GLI2: variants seen among roughly 807,000 people sequenced by gnomAD.
GLI2 encodes GLI family zinc finger 2.
In GLI2, 22 loss-of-function variants were observed where a neutral mutation model predicts 78.9. That is an observed-to-expected ratio of 0.28 (90% CI 0.20 to 0.40). The LOEUF is 0.40. Among genes scored for constraint, GLI2 ranks in the 10% least tolerant of loss-of-function variants. GLI2 has a pLI of 1.00. For missense variants in GLI2, 2,097 were observed against 2,213.2 expected (o/e 0.95, Z 1.05); for synonymous variants, 974 against 963.7 (o/e 1.01, Z -0.20).
chr2:120,794,286 TGGGCAGAGGCCTGGCTGTGTGCAA>T (rs2104690153), intron 1 of GLI2, among the ~76,000 whole-genome samples: 1 of 152,240 alleles, frequency 6.6e-6, no homozygotes, highest in South Asian at 2.1e-4. Flanking sequence ...TGGCATAGCT[TGGGCAGAGGCCTGGCTGTGTGCAA>T]GGGCAGAGCC....
At chr2:120,944,455 A>G (rs1399123610) in intron 3 of GLI2, among the ~76,000 whole-genome samples, 1 of 152,246 alleles carries the variant, frequency 6.6e-6, no homozygotes, top group Non-Finnish European at 1.5e-5. Context: ...CACCAAAGCC[A>G]TGATTCAGAC....
chr2:120,926,072 C>CAAAA lies in GLI2; in HGVS notation c.149-1265_149-1262dup, dbSNP rs35224973. Among the ~76,000 whole-genome samples, 69 of 63,208 alleles carry CAAAA rather than the reference C, an allele frequency of 1.1e-3. 10 individuals are homozygous for CAAAA. The highest frequency in any genetic ancestry group is 3.8e-3 in the African/African-American group (48 of 12,530). The allele number at this position is 63,208 out of a possible 152,430, so 41.5% of individuals were successfully genotyped here. A position where few individuals can be genotyped will look rare whatever the true frequency, so the allele number is the denominator to read the frequency against. The stretch of plus-strand genomic sequence containing the variant: ...TGGGTGACAGAGCGAGACTCCGTCT[C>CAAAA]AAAAAAAAAAAAAAAAAAAAAAAAA... On this transcript the variant is annotated intron_variant, in intron 2 of 13. Coordinates refer to ENST00000361492, the MANE Select transcript of GLI2 (RefSeq NM_001374353.1).
chr2:120,892,112 A>T (rs1677711292), intron 2 of GLI2, among the ~76,000 whole-genome samples: 1 of 152,066 alleles, frequency 6.6e-6, no homozygotes, highest in Non-Finnish European at 1.5e-5. Context: ...GCACTGTCCC[A>T]TTGTCGGGCC....
intron 10 of GLI2, among the ~76,000 whole-genome samples, chr2:120,980,135 G>A (rs768922794): frequency 5.3e-5 from 8 of 152,294 alleles, no homozygotes; most frequent in African/African-American, 1.7e-4. Context: ...TGGACAGAAC[G>A]TTTTCACTTC....
At chr2:120,910,634 C>T (rs557832854) in intron 2 of GLI2, among the ~76,000 whole-genome samples, 203 of 152,352 alleles carry the variant, frequency 1.3e-3, no homozygotes, top group Non-Finnish European at 2.4e-3. Context: ...GCATCCCACA[C>T]GTGTTGCAGG....
chr2:120,820,901 G>A (rs1048088759), intron 2 of GLI2, among the ~76,000 whole-genome samples: 7 of 152,110 alleles, frequency 4.6e-5, no homozygotes, highest in Non-Finnish European at 1.0e-4. Context: ...GTTTGCTGAG[G>A]TGGCTTAAGA....
At chr2:120,794,439 A>G (rs1230307562) in intron 1 of GLI2, among the ~76,000 whole-genome samples, 1 of 152,092 alleles carries the variant, frequency 6.6e-6, no homozygotes, top group Non-Finnish European at 1.5e-5. Flanking sequence ...GGATGGAGTG[A>G]TATGTGGTTT....
intron 2 of GLI2, among the ~76,000 whole-genome samples, chr2:120,821,945 G>A (rs898585180): frequency 1.3e-5 from 2 of 152,220 alleles, no homozygotes; most frequent in Admixed American, 6.5e-5. Flanking sequence ...TGACTCCACG[G>A]GGGCCGGGAG....
At chr2:120,807,133 G>A (rs1299119570) in intron 2 of GLI2, among the ~76,000 whole-genome samples, 1 of 152,192 alleles carries the variant, frequency 6.6e-6, no homozygotes, top group Admixed American at 6.5e-5. Context: ...TGATTGCAAA[G>A]TGTGGCAGGG....
chr2:120,745,054 T>C (rs1312527458), intron 1 of GLI2, among the ~76,000 whole-genome samples: 2 of 152,246 alleles, frequency 1.3e-5, no homozygotes, highest in African/African-American at 4.8e-5. Context: ...ACAGAGGTGC[T>C]TCTGCTCCAA....
At chr2:120,943,782 C>T (rs1294577102) in intron 3 of GLI2, among the ~76,000 whole-genome samples, 2 of 152,220 alleles carry the variant, frequency 1.3e-5, no homozygotes, top group Admixed American at 1.3e-4. Context: ...AGTGGGACAG[C>T]CCGCCCTGAT....
intron 1 of GLI2, among the ~76,000 whole-genome samples, chr2:120,740,660 C>T (rs1682506312): frequency 6.6e-6 from 1 of 152,204 alleles, no homozygotes; most frequent in Non-Finnish European, 1.5e-5. Context: ...TCACTTTTAT[C>T]TCGCTTTTCC....
chr2:120,989,314 C>T lies in GLI2; in HGVS notation c.3349C>T (p.Pro1117Ser). ...AGGATGCCAGTTAGGCTTTGGGGCG[C>T]CCTCCAGCCTGAACAAAAATAACAT... The part of the protein sequence containing the change: ...LGGCQLGFGA[P>S]SSLNKNNMPV... Residue 1117 changes from proline to serine, a missense_variant, in exon 14 of 14, where the codon CCC (proline) becomes TCC (serine). Pro to Ser is a moderately conservative substitution (Grantham distance 74, BLOSUM62 -1). Transcript: ENST00000361492. 1 of 1,613,086 alleles carries T rather than the reference C, an allele frequency of 6.2e-7. No individual in the cohort carries two copies. Among genetic ancestry groups the T allele is most frequent in the Non-Finnish European group, 8.5e-7 (1 of 1,180,016 alleles).
intron 10 of GLI2, among the ~76,000 whole-genome samples, chr2:120,980,192 G>T (rs1232309393): frequency 6.6e-6 from 1 of 152,228 alleles, no homozygotes; most frequent in Non-Finnish European, 1.5e-5. Context: ...TCGTATGGCA[G>T]TTGAGGAACT....
chr2:120,957,350 AC>A (rs1343046427), intron 5 of GLI2, among the ~76,000 whole-genome samples: 1 of 152,136 alleles, frequency 6.6e-6, no homozygotes, highest in African/African-American at 2.4e-5. Context: ...CTGAGTACAC[AC>A]ACATCCATGT....
intron 1 of GLI2, among the ~76,000 whole-genome samples, chr2:120,784,529 G>A (rs777614985): frequency 1.6e-4 from 25 of 151,766 alleles, no homozygotes; most frequent in Non-Finnish European, 2.9e-5. Context: ...GGCCTTGGGG[G>A]TTTTGGGGGC....
Position 120,978,438 on chromosome 2 carries a change from T to C in GLI2, c.1322T>C (p.Ile441Thr). ...YDTQEQLVHHINNEHIHGEKK... is the reference protein window; with the variant it reads ...YDTQEQLVHHTNNEHIHGEKK... ...CTGGGCATGTCCCTCCGGCAGCACA[T>C]CAACAACGAGCACATCCACGGGGAG... Residue 441 changes from isoleucine (I) to threonine (T), a missense_variant, in exon 10 of 14, where the codon ATC becomes ACC. Physicochemically the swap from Ile to Thr is moderately conservative, Grantham distance 89. Transcript: ENST00000361492. 6.2e-7 allele frequency: 1 copy of C among 1,614,086 alleles called. No individual in the cohort carries two copies. The highest frequency in any genetic ancestry group is 8.5e-7 in the Non-Finnish European group (1 of 1,180,000).
chr2:120,965,488 C>G (rs113548482), intron 5 of GLI2, among the ~76,000 whole-genome samples: 4 of 149,114 alleles, frequency 2.7e-5, no homozygotes, highest in African/African-American at 2.5e-5. Flanking sequence ...GATGCAGATG[C>G]TGCGGCAGAG....
At chr2:120,859,912 C>T (rs975873794) in intron 2 of GLI2, among the ~76,000 whole-genome samples, 10 of 151,922 alleles carry the variant, frequency 6.6e-5, no homozygotes, top group African/African-American at 2.4e-4. Flanking sequence ...CTCAGCCTCC[C>T]AAAGTGCTGC....
Sources: gnomAD v4.1 joint callset for allele counts (sites outside exome capture counted in the v4.1 genomes callset) on GRCh38, gnomAD v4.1.1 for gene constraint, MANE v1.5 for transcripts, NCBI Gene and HGNC (gene_info 2026-07-23, HGNC 2026-07-21) for gene names.